DLGAP1: variants seen among roughly 807,000 people sequenced by gnomAD.
The protein encoded by DLGAP1 is DLG associated protein 1, also known as disks large-associated protein 1.
In DLGAP1, 11 loss-of-function variants were observed where a neutral mutation model predicts 90.8. That is an observed-to-expected ratio of 0.12 (90% confidence interval 0.08 to 0.20). The LOEUF (loss-of-function observed/expected upper bound fraction) is 0.20, where lower values mean the gene tolerates loss of function less well. DLGAP1 is among the 10% of genes least tolerant of loss of function. The pLI is 1.00. For missense variants in DLGAP1, 1,050 were observed against 1,333.8 expected (o/e 0.79, Z 3.31); for synonymous variants, 558 against 540.7 (o/e 1.03, Z -0.44).
intron 1 of DLGAP1, among the ~76,000 whole-genome samples, chr18:4,319,369 T>C (rs762887045): frequency 4.6e-5 from 7 of 152,134 alleles, no homozygotes; most frequent in East Asian, 3.8e-4. Context: ...AATTTAAACA[T>C]TTAGTGGATG....
At chr18:3,943,999 T>C (rs752020325) in intron 3 of DLGAP1, among the ~76,000 whole-genome samples, 19 of 152,168 alleles carry the variant, frequency 1.2e-4, no homozygotes, top group Non-Finnish European at 2.4e-4. Flanking sequence ...CTTCAGAACA[T>C]AAGGAAATAA....
chr18:4,194,831 C>T (rs947757322), intron 1 of DLGAP1, among the ~76,000 whole-genome samples: 7 of 152,024 alleles, frequency 4.6e-5, no homozygotes, highest in Admixed American at 2.6e-4. Flanking sequence ...ATTTATGGGA[C>T]ACAAAGTCAC....
At chr18:4,146,006 C>A (rs1413183826) in intron 2 of DLGAP1, among the ~76,000 whole-genome samples, 1 of 152,146 alleles carries the variant, frequency 6.6e-6, no homozygotes, top group East Asian at 1.9e-4. Flanking sequence ...TTTCCACTAG[C>A]CTTTCAGTCT....
intron 4 of DLGAP1, among the ~76,000 whole-genome samples, chr18:3,856,590 G>A (rs1011002688): frequency 1.3e-5 from 2 of 152,080 alleles, no homozygotes; most frequent in Non-Finnish European, 2.9e-5. Flanking sequence ...GGCCAGACGC[G>A]GTGGCTCATG....
At chr18:3,563,006 T>C (rs992914380) in intron 9 of DLGAP1, among the ~76,000 whole-genome samples, 2 of 151,968 alleles carry the variant, frequency 1.3e-5, no homozygotes, top group African/African-American at 4.8e-5. Context: ...TTTGTATTTT[T>C]TGTAGAGATG....
chr18:3,911,485 T>C (rs964042259), intron 3 of DLGAP1, among the ~76,000 whole-genome samples: 1 of 152,332 alleles, frequency 6.6e-6, no homozygotes, highest in Admixed American at 6.5e-5. Flanking sequence ...TTCCCTAGAC[T>C]CTGTCAGTAG....
intron 2 of DLGAP1, among the ~76,000 whole-genome samples, chr18:4,036,250 A>G (rs1488682242): frequency 6.6e-6 from 1 of 152,202 alleles, no homozygotes; most frequent in African/African-American, 2.4e-5. Context: ...AGATGTGTTA[A>G]AACTCAAAGT....
At chr18:3,976,100 A>C (rs954772436) in intron 3 of DLGAP1, among the ~76,000 whole-genome samples, 3 of 151,826 alleles carry the variant, frequency 2.0e-5, no homozygotes, top group Non-Finnish European at 4.4e-5. Flanking sequence ...TAATCCCAGC[A>C]CTTTGAGAGG....
intron 1 of DLGAP1, among the ~76,000 whole-genome samples, chr18:4,186,917 T>A (rs1382455861): frequency 1.3e-5 from 2 of 152,194 alleles, no homozygotes; most frequent in African/African-American, 4.8e-5. Context: ...TTTTTCCATT[T>A]GTTTGTGTCT....
intron 2 of DLGAP1, among the ~76,000 whole-genome samples, chr18:4,058,632 T>C (rs1447176087): frequency 1.3e-5 from 2 of 152,250 alleles, no homozygotes; most frequent in Non-Finnish European, 2.9e-5. Context: ...TCCTTCTTTA[T>C]GTCAAGAGGG....
In DLGAP1 at chr18:3,629,432, G is replaced by A. The variant is rs2058435227; in HGVS notation, c.1592-47184C>T. Among the ~76,000 whole-genome samples the A allele has an allele frequency of 2.6e-5, 4 of 152,122 alleles. No individual in the cohort carries two copies. The South Asian group carries it at 8.3e-4, about 31-fold the overall frequency. ...CAACCCTGTAATCCCAGCACTTTGG[G>A]AGGCTGAGGCGGGCGGATCACGAGG... On this transcript the variant is annotated intron_variant, in intron 7 of 12. Coordinates refer to ENST00000315677, the MANE Select transcript of DLGAP1 (RefSeq NM_004746.4).
intron 9 of DLGAP1, among the ~76,000 whole-genome samples, chr18:3,561,967 G>A (rs1176373496): frequency 5.3e-5 from 8 of 150,832 alleles, no homozygotes; most frequent in South Asian, 2.1e-4. Flanking sequence ...TGTGGCTCAC[G>A]TCTGTAATCC....
intron 1 of DLGAP1, among the ~76,000 whole-genome samples, chr18:4,321,721 T>TA (rs1170180331): frequency 3.9e-5 from 6 of 152,344 alleles, no homozygotes; most frequent in African/African-American, 1.4e-4. Flanking sequence ...TACAAGAACT[T>TA]ACTATATTTT....
intron 1 of DLGAP1, among the ~76,000 whole-genome samples, chr18:4,260,034 T>C (rs1055204704): frequency 1.3e-5 from 2 of 152,214 alleles, no homozygotes; most frequent in Non-Finnish European, 2.9e-5. Context: ...AAATCAAGTA[T>C]ATTATGTATA....
At chr18:4,034,639 C>G (rs1475631656) in intron 2 of DLGAP1, among the ~76,000 whole-genome samples, 2 of 152,076 alleles carry the variant, frequency 1.3e-5, no homozygotes, top group Admixed American at 1.3e-4. Flanking sequence ...AGTTGGTCAC[C>G]TTTCTGGAAA....
chr18:3,640,482 GT>G (rs1244571538), intron 7 of DLGAP1, among the ~76,000 whole-genome samples: 2 of 152,234 alleles, frequency 1.3e-5, no homozygotes, highest in African/African-American at 4.8e-5. Context: ...TGAATTCTTG[GT>G]TGAACAAGTG....
At chr18:3,986,216 A>G in intron 3 of DLGAP1, 1 of 152,062 alleles carries the variant, frequency 6.6e-6, no homozygotes, top group East Asian at 1.9e-4. Context: ...CTGCGTCAAG[A>G]CTGCTGGTAG....
chr18:3,599,640 T>TGA lies in DLGAP1; in HGVS notation c.1592-17394_1592-17393dup, dbSNP rs2056786448. On this transcript the variant is annotated intron_variant, in intron 7 of 12. Transcript: ENST00000315677. ...GTTTTTTGTTGTTTGTTTTGTTTTT[T>TGA]GAGACAGTCTCACTCTGTTGTCAGG... 3.3e-5 allele frequency among the ~76,000 whole-genome samples: 5 copies of TGA among 152,304 alleles called. No individual in the cohort carries two copies. The South Asian group carries it at 1.0e-3, about 32-fold the overall frequency.
At chr18:4,022,488 T>C (rs550220398) in intron 2 of DLGAP1, among the ~76,000 whole-genome samples, 16 of 152,176 alleles carry the variant, frequency 1.1e-4, no homozygotes, top group African/African-American at 3.9e-4. Context: ...ACATAGATGA[T>C]ACTGTGGCAT....
Sources: gnomAD v4.1 joint callset for allele counts (sites outside exome capture counted in the v4.1 genomes callset) on GRCh38, gnomAD v4.1.1 for gene constraint, MANE v1.5 for transcripts, NCBI Gene and HGNC (gene_info 2026-07-23, HGNC 2026-07-21) for gene names.